Variants in MYO1E observed in about 807,000 individuals in gnomAD.
The protein encoded by MYO1E is myosin IE, also known as unconventional myosin-Ie.
A neutral mutation model predicts 151.1 loss-of-function variants in MYO1E; 68 were observed. The ratio of observed to expected loss-of-function variants is 0.45; its 90% CI spans 0.37 to 0.55. The LOEUF (loss-of-function observed/expected upper bound fraction) is 0.55. MYO1E is among the 20% of genes least tolerant of loss of function. The pLI is 0.00. For synonymous variants in MYO1E, 601 were observed against 501.7 expected (o/e 1.20, Z -2.64); for missense variants, 1,363 against 1,389.3 (o/e 0.98, Z 0.30).
intron 9 of MYO1E, 132 bp downstream of exon 9, chr15:59,222,927 C>A (rs2079965058): frequency 3.6e-6 from 5 of 1,384,248 alleles, no homozygotes; most frequent in Non-Finnish European, 5.0e-6. Flanking sequence ...TTCTGTTTGC[C>A]ACAGAGGACA....
intron 1 of MYO1E, among the ~76,000 whole-genome samples, chr15:59,300,917 G>C (rs905954229): frequency 1.4e-5 from 2 of 138,626 alleles, no homozygotes; most frequent in Non-Finnish European, 3.0e-5. Context: ...GCCCAGGCTA[G>C]AGTGCACTGG....
chr15:59,324,663 G>GACCCCC (rs2080651266), intron 1 of MYO1E, among the ~76,000 whole-genome samples: 1 of 147,992 alleles, frequency 6.8e-6, no homozygotes, highest in African/African-American at 2.5e-5. Context: ...CCCATCCCAA[G>GACCCCC]CCCCCCCCCC....
chr15:59,303,835 CTT>C (rs1240171093), intron 1 of MYO1E, among the ~76,000 whole-genome samples: 16 of 152,142 alleles, frequency 1.1e-4, no homozygotes, highest in African/African-American at 3.9e-4. Flanking sequence ...GTAGGACTCT[CTT>C]CTGATAAAAT....
chr15:59,149,060 TTTTTTTTTTTTTTTG>T (rs2079460273), intron 26 of MYO1E, among the ~76,000 whole-genome samples: 2 of 140,500 alleles, frequency 1.4e-5, no homozygotes, highest in Admixed American at 7.0e-5. Flanking sequence ...TTGTTTTTTT[TTTTTTTTTTTTTTTG>T]AGACAGAGTC....
chr15:59,215,171 ACC>A (rs1345219115), intron 10 of MYO1E, among the ~76,000 whole-genome samples: 1 of 152,092 alleles, frequency 6.6e-6, no homozygotes, highest in Admixed American at 6.5e-5. Context: ...GGACAAGACA[ACC>A]CTTGTTCCTA....
intron 23 of MYO1E, 40 bp downstream of exon 23, chr15:59,163,117 T>A (rs2079546859): frequency 3.1e-6 from 5 of 1,611,100 alleles, no homozygotes; most frequent in East Asian, 2.2e-5. Flanking sequence ...GACCCCTTTT[T>A]AGCTACACGC....
chr15:59,328,336 T>G (rs1296690951), intron 1 of MYO1E, among the ~76,000 whole-genome samples: 3 of 152,112 alleles, frequency 2.0e-5, no homozygotes, highest in Non-Finnish European at 4.4e-5. Flanking sequence ...AAAGAGAACT[T>G]GATCCATTGC....
intron 1 of MYO1E, among the ~76,000 whole-genome samples, chr15:59,310,042 A>G (rs558419457): frequency 4.8e-4 from 73 of 152,240 alleles, no homozygotes; most frequent in African/African-American, 1.7e-3. Context: ...CTCACCTGCA[A>G]TAGCGCCCTA....
At chr15:59,137,500 G>T (rs1379371278) in intron 27 of MYO1E, 44 bp from the exon 28 acceptor site, 3 of 1,533,758 alleles carry the variant, frequency 2.0e-6, no homozygotes, top group African/African-American at 1.4e-5. Flanking sequence ...GAGAAAGTCT[G>T]TTCTGCCCCA....
rs1323448231 is a variant in MYO1E at position 59,236,360 on chromosome 15, A to AT, written c.420+224_420+225insA. 2.4e-4 allele frequency among the ~76,000 whole-genome samples: 15 copies of AT among 62,898 alleles called. 1 individual carries two copies. Among genetic ancestry groups the AT allele is most frequent in the African/African-American group, 6.1e-4 (14 of 22,912 alleles). 41.3% of individuals were successfully genotyped at this position (62,898 alleles called of 152,430 possible). A position where few individuals can be genotyped will look rare whatever the true frequency, so the allele number is the denominator to read the frequency against. On this transcript the variant is annotated intron_variant, in intron 5 of 27. Transcript: ENST00000288235. ...GACTCTGTCTCAAAAAAGAAAAAAA[A>AT]AAAATATATACACACACACACACAC...
At chr15:59,208,929 G>A in intron 13 of MYO1E, 81 bp from the exon 14 acceptor site, 5 of 1,520,584 alleles carry the variant, frequency 3.3e-6, no homozygotes, top group Non-Finnish European at 4.5e-6. Context: ...TCTTAGGCAA[G>A]GAAACAGCTC....
intron 11 of MYO1E, 65 bp downstream of exon 11, chr15:59,214,575 A>C: frequency 7.9e-6 from 11 of 1,384,024 alleles, no homozygotes; most frequent in Non-Finnish European, 1.1e-5. Flanking sequence ...GCCTAGAATT[A>C]TTTCTTGCAG....
In MYO1E at chr15:59,213,633, A is replaced by T. The variant is rs1166009243; in HGVS notation, c.1275+595T>A. Among the ~76,000 whole-genome samples the T allele has an allele frequency of 4.0e-5, 6 of 149,702 alleles. 1 individual carries two copies. The highest frequency in any genetic ancestry group is 1.5e-4 in the African/African-American group (6 of 40,458). The stretch of plus-strand genomic sequence containing the variant: ...GCCACCACGTCCAGCTAATTATTTT[A>T]TTTTTTTTGTATGGATGGGGTCTCA... On this transcript the variant is annotated intron_variant, in intron 12 of 27. Transcript: ENST00000288235.
At chr15:59,371,641 C>T (rs535175276) in intron 1 of MYO1E, among the ~76,000 whole-genome samples, 1 of 152,126 alleles carries the variant, frequency 6.6e-6, no homozygotes, top group Non-Finnish European at 1.5e-5. Flanking sequence ...TCCCAAAGTG[C>T]CAAAGGGAAA....
At chr15:59,257,264 AGTT>A (rs1164003922) in intron 3 of MYO1E, among the ~76,000 whole-genome samples, 6 of 152,170 alleles carry the variant, frequency 3.9e-5, no homozygotes, top group Non-Finnish European at 7.3e-5. Context: ...GAGGCAGAAG[AGTT>A]GTTTAACCCT....
At chr15:59,256,763 T>C (rs2080196174) in intron 3 of MYO1E, among the ~76,000 whole-genome samples, 1 of 152,338 alleles carries the variant, frequency 6.6e-6, no homozygotes, top group Admixed American at 6.5e-5. Context: ...AACAGGTCTT[T>C]GGAGAGGCCT....
intron 15 of MYO1E, among the ~76,000 whole-genome samples, chr15:59,204,803 A>T (rs188740900): frequency 9.2e-5 from 14 of 152,338 alleles, no homozygotes; most frequent in African/African-American, 3.1e-4. Context: ...TAAGCCATTA[A>T]CCATCTTTAA....
rs544519433 is a variant in MYO1E at position 59,186,535 on chromosome 15, G to T, written c.1904+1583C>A. On this transcript the variant is annotated intron_variant, in intron 18 of 27. Transcript: ENST00000288235. ...AATCCCAACACTTTGGGAGGTTGAG[G>T]TGGGAGGATCACTTGAGAGTAGCTG... Among the ~76,000 whole-genome samples the T allele has an allele frequency of 2.4e-4, 37 of 152,272 alleles. 1 individual carries two copies. The highest frequency in any genetic ancestry group is 8.7e-4 in the African/African-American group (36 of 41,558).
intron 1 of MYO1E, among the ~76,000 whole-genome samples, chr15:59,362,372 G>C (rs1056796670): frequency 6.6e-6 from 1 of 152,216 alleles, no homozygotes; most frequent in Admixed American, 6.5e-5. Context: ...TGAACATTTA[G>C]ATTGTTCCTG....
Sources: gnomAD v4.1 joint callset for allele counts (sites outside exome capture counted in the v4.1 genomes callset) on GRCh38, gnomAD v4.1.1 for gene constraint, MANE v1.5 for transcripts, NCBI Gene and HGNC (gene_info 2026-07-23, HGNC 2026-07-21) for gene names.